Variants in EBF3 observed in about 807,000 individuals in gnomAD.
EBF3 encodes transcription factor COE3.
EBF3 carries 18 observed loss-of-function variants against 77.1 expected under a neutral mutation model. That is an observed-to-expected ratio of 0.23 (90% CI 0.16 to 0.35). The LOEUF (loss-of-function observed/expected upper bound fraction) is 0.35, where lower values mean the gene tolerates loss of function less well. EBF3 is among the 10% of genes least tolerant of loss of function. The probability of loss-of-function intolerance (pLI) is 1.00; values close to 1 mark genes in which losing one functional copy is unlikely to be tolerated. For synonymous variants in EBF3, 350 were observed against 343.5 expected (o/e 1.02, Z -0.21); for missense variants, 558 against 860.0 (o/e 0.65, Z 4.39).
At chr10:129,896,237 C>CA (rs571205211) in intron 6 of EBF3, among the ~76,000 whole-genome samples, 10 of 152,218 alleles carry the variant, frequency 6.6e-5, no homozygotes, top group South Asian at 2.1e-4. Context: ...CCAACTCTGC[C>CA]AAAAAAACCC....
intron 6 of EBF3, among the ~76,000 whole-genome samples, chr10:129,955,545 G>A (rs1330955059): frequency 1.3e-5 from 2 of 152,078 alleles, no homozygotes; most frequent in Non-Finnish European, 2.9e-5. Context: ...ACATTCAGAC[G>A]AGAATTAAGG....
intron 6 of EBF3, among the ~76,000 whole-genome samples, chr10:129,928,710 G>T (rs761872996): frequency 1.5e-4 from 23 of 152,142 alleles, no homozygotes; most frequent in Non-Finnish European, 2.4e-4. Flanking sequence ...CTTCCTGGGA[G>T]GCCCATCTTC....
In EBF3 at chr10:129,837,720, A is replaced by AAAT; in HGVS notation, c.*220_*222dup. ...AAATATGAGAAAAGTTCAGTCAATA[A>AAAT]AATGGAATTGTTCATGAAGAAGTAG... On this transcript the variant is annotated 3_prime_UTR_variant, in exon 17 of 17. Coordinates refer to ENST00000440978, the MANE Select transcript of EBF3 (RefSeq NM_001375380.1). The AAAT allele has an allele frequency of 1.7e-6, 1 of 585,066 alleles. No individual in the cohort carries two copies. 36.2% of individuals were successfully genotyped at this position (585,066 alleles called of 1,614,324 possible).
intron 6 of EBF3, among the ~76,000 whole-genome samples, chr10:129,923,109 A>G (rs1198633042): frequency 6.6e-6 from 1 of 152,194 alleles, no homozygotes; most frequent in East Asian, 1.9e-4. Context: ...CCTGTTGATA[A>G]CGGCAGCAAC....
At position 129,885,052 on chromosome 10, in the gene EBF3, C is replaced by G. The variant is rs1453899711; in HGVS notation, c.555-7203G>C. On this transcript the variant is annotated intron_variant, in intron 6 of 16. Transcript: ENST00000440978. This position sits in a 1 kb window ranked among gnomAD's most constrained non-coding sequence, Gnocchi z 4.0. ...TAACCCTTCACAGCCTAGAGCCACACTAGGCCCCACCGTCCCTCCAAAGAG... is the reference window on the plus strand; with the variant it reads ...TAACCCTTCACAGCCTAGAGCCACAGTAGGCCCCACCGTCCCTCCAAAGAG... Among the ~76,000 whole-genome samples the G allele has an allele frequency of 1.3e-5, 2 of 152,200 alleles. No homozygotes were observed. Among genetic ancestry groups the G allele is most frequent in the Admixed American group, 6.5e-5 (1 of 15,282 alleles).
intron 6 of EBF3, among the ~76,000 whole-genome samples, chr10:129,910,691 G>A (rs1855470327): frequency 6.6e-6 from 1 of 151,980 alleles, no homozygotes; most frequent in Non-Finnish European, 1.5e-5. Context: ...CAGAGCCCCA[G>A]GTATAGGATT....
chr10:129,850,240 C>T (rs1407852303), intron 10 of EBF3, among the ~76,000 whole-genome samples: 1 of 152,192 alleles, frequency 6.6e-6, no homozygotes, highest in Admixed American at 6.5e-5. Context: ...GATAGATGGG[C>T]GGCCATTATT....
intron 10 of EBF3, among the ~76,000 whole-genome samples, chr10:129,857,975 G>A (rs989027871): frequency 6.6e-6 from 1 of 152,240 alleles, no homozygotes; most frequent in Non-Finnish European, 1.5e-5. Context: ...ATTCCCGCCA[G>A]CTGGCATTTT....
rs572273954 is a variant in EBF3, at chr10:129,864,268, G to A, written c.1039+2873C>T. On this transcript the variant is annotated intron_variant, in intron 10 of 16. Transcript: ENST00000440978. This position sits in a 1 kb window ranked among gnomAD's most constrained non-coding sequence, Gnocchi z 4.4. ...CCCCAGAGCAGCAAAAGCAGGGCCC[G>A]GCCATGCTGGGAATTGGGGGGACGC... Among the ~76,000 whole-genome samples, 21 of 152,240 alleles carry A rather than the reference G, an allele frequency of 1.4e-4. No homozygotes were observed. Among genetic ancestry groups the A allele is most frequent in the Admixed American group, 8.5e-4 (13 of 15,294 alleles).
chr10:129,898,280 G>T (rs1017029817), intron 6 of EBF3, among the ~76,000 whole-genome samples: 4 of 152,218 alleles, frequency 2.6e-5, no homozygotes, highest in African/African-American at 9.6e-5. Context: ...GCCCGGCTGG[G>T]TCTGCAGTGC....
At chr10:129,846,457 C>T (rs766003576) in intron 11 of EBF3, among the ~76,000 whole-genome samples, 19 of 151,874 alleles carry the variant, frequency 1.3e-4, no homozygotes, top group Non-Finnish European at 2.1e-4. Flanking sequence ...TTGAGACACA[C>T]GCTTTACATC....
intron 10 of EBF3, among the ~76,000 whole-genome samples, chr10:129,851,371 C>A (rs1181109261): frequency 1.3e-5 from 2 of 152,218 alleles, no homozygotes; most frequent in East Asian, 3.9e-4. Context: ...CTGTCAGCAT[C>A]TGGAGAGCCG....
intron 4 of EBF3, among the ~76,000 whole-genome samples, chr10:129,960,360 C>T (rs1281746563): frequency 6.6e-6 from 1 of 152,160 alleles, no homozygotes; most frequent in Admixed American, 6.5e-5. Flanking sequence ...AGGGAAGGTT[C>T]CCCGCGAACC....
At chr10:129,890,022 A>G (rs987231684) in intron 6 of EBF3, among the ~76,000 whole-genome samples, 3 of 132,418 alleles carry the variant, frequency 2.3e-5, no homozygotes, top group Middle Eastern at 5.2e-3. Context: ...AGCCCCATTA[A>G]TTGTTCATGT....
intron 6 of EBF3, among the ~76,000 whole-genome samples, chr10:129,949,022 C>G (rs1228977184): frequency 6.6e-6 from 1 of 152,182 alleles, no homozygotes; most frequent in Non-Finnish European, 1.5e-5. Flanking sequence ...AAGAGGCACT[C>G]GTGCAGTGGC....
intron 6 of EBF3, among the ~76,000 whole-genome samples, chr10:129,939,423 G>C (rs1857576051): frequency 6.6e-6 from 1 of 152,106 alleles, no homozygotes; most frequent in South Asian, 2.1e-4. Context: ...CACATTAAAA[G>C]TTCCCACTGC....
At chr10:129,918,833 C>T (rs894485787) in intron 6 of EBF3, among the ~76,000 whole-genome samples, 16 of 152,254 alleles carry the variant, frequency 1.1e-4, no homozygotes, top group Non-Finnish European at 7.3e-5. Flanking sequence ...GTGAGATCTG[C>T]TCATCTGCTT....
intron 10 of EBF3, among the ~76,000 whole-genome samples, chr10:129,850,396 A>G (rs748523790): frequency 1.3e-5 from 2 of 152,344 alleles, no homozygotes; most frequent in Non-Finnish European, 2.9e-5. Context: ...TTTGATGCCC[A>G]AAAATATGTG....
rs1162991682 is a variant in EBF3, at chr10:129,943,711, T to C, written c.554+13547A>G. Among the ~76,000 whole-genome samples the C allele has an allele frequency of 6.6e-6, 1 of 152,170 alleles. No homozygotes were observed. Among genetic ancestry groups the C allele is most frequent in the African/African-American group, 2.4e-5 (1 of 41,438 alleles). On this transcript the variant is annotated intron_variant, in intron 6 of 16. Transcript: ENST00000440978. This position sits in a 1 kb window ranked among gnomAD's most constrained non-coding sequence, Gnocchi z 8.8. The stretch of plus-strand genomic sequence containing the variant: ...TTACCTCTGCTATGAATTAAAAGAA[T>C]TGCTAGGAATTCTTTTCACAGGCTG...
Sources: allele counts gnomAD v4.1 joint callset (sites outside exome capture counted in the v4.1 genomes callset), GRCh38; gene constraint gnomAD v4.1.1; non-coding constraint Gnocchi (gnomAD v3.1); transcripts MANE v1.5; gene names NCBI Gene and HGNC (gene_info 2026-07-23, HGNC 2026-07-21).